HLCS: variants seen among roughly 807,000 people sequenced by gnomAD.
HLCS encodes holocarboxylase synthetase.
A neutral mutation model predicts 75.0 loss-of-function variants in HLCS; 53 were observed. That is an observed-to-expected ratio of 0.71 (90% CI 0.57 to 0.89). The LOEUF (loss-of-function observed/expected upper bound fraction) is 0.89. Among genes scored for constraint, HLCS ranks in the 40% least tolerant of loss-of-function variants. The pLI is 0.00. For missense variants in HLCS, 966 were observed against 1,074.0 expected (o/e 0.90, Z 1.41); for synonymous variants, 431 against 428.6 (o/e 1.01, Z -0.07).
chr21:36,756,263 C>A (rs529526420), intron 10 of HLCS, among the ~76,000 whole-genome samples: 24 of 151,744 alleles, frequency 1.6e-4, no homozygotes, highest in African/African-American at 5.3e-4. Flanking sequence ...ACGGTGAAAC[C>A]CCACCTCCAC....
At chr21:36,983,088 A>T (rs893248716) in intron 1 of HLCS, among the ~76,000 whole-genome samples, 1 of 152,134 alleles carries the variant, frequency 6.6e-6, no homozygotes, top group Non-Finnish European at 1.5e-5. Flanking sequence ...TGGTGTGGAG[A>T]GTGTCTGCAG....
chr21:36,861,517 A>AT (rs1463178488), intron 6 of HLCS, among the ~76,000 whole-genome samples: 1 of 151,814 alleles, frequency 6.6e-6, no homozygotes, highest in Non-Finnish European at 1.5e-5. Flanking sequence ...TACCCAATAG[A>AT]TTTTTTCCTG....
rs575454047 is a variant in HLCS at position 36,907,410 on chromosome 21, C to T, written c.1621-10279G>A. 9.9e-5 allele frequency among the ~76,000 whole-genome samples: 15 copies of T among 152,278 alleles called. No individual in the cohort carries two copies. In the East Asian group the frequency reaches 2.5e-3, roughly 25 times the overall value. ...GTAGCCCACACCTGTAATCCCAGAA[C>T]TTTGGGAGGCTGAGGTGGGTGGATC... On this transcript the variant is annotated intron_variant, in intron 5 of 10. Coordinates refer to ENST00000674895, the MANE Select transcript of HLCS (RefSeq NM_001352514.2).
intron 1 of HLCS, among the ~76,000 whole-genome samples, chr21:36,985,681 G>A (rs1005468849): frequency 9.2e-5 from 14 of 152,060 alleles, no homozygotes; most frequent in Middle Eastern, 3.4e-3. Flanking sequence ...CAGGAGAATC[G>A]CTTGGACCTG....
chr21:36,849,834 C>T (rs2062927391), intron 6 of HLCS, among the ~76,000 whole-genome samples: 1 of 152,212 alleles, frequency 6.6e-6, no homozygotes, highest in Admixed American at 6.5e-5. Context: ...TGAACCTTGA[C>T]TGGACAAACT....
At chr21:36,937,810 C>T (rs980612144) in intron 3 of HLCS, among the ~76,000 whole-genome samples, 1 of 152,216 alleles carries the variant, frequency 6.6e-6, no homozygotes. Flanking sequence ...AGTGAAATGT[C>T]ACTCTCAAGA....
intron 6 of HLCS, among the ~76,000 whole-genome samples, chr21:36,868,221 G>GGGA: frequency 2.8e-5 from 4 of 141,102 alleles, no homozygotes; most frequent in South Asian, 4.6e-4. Context: ...AGGGAAAAAA[G>GGGA]AGAGAGAAAG....
intron 2 of HLCS, among the ~76,000 whole-genome samples, chr21:36,945,753 T>C (rs909332532): frequency 6.6e-6 from 1 of 152,254 alleles, no homozygotes; most frequent in Non-Finnish European, 1.5e-5. Flanking sequence ...TTGCACAACT[T>C]TGTGAATATA....
At chr21:36,838,937 G>A (rs776561585) in intron 6 of HLCS, among the ~76,000 whole-genome samples, 1 of 152,192 alleles carries the variant, frequency 6.6e-6, no homozygotes, top group African/African-American at 2.4e-5. Context: ...AGAACCGACA[G>A]AGAATTATTT....
chr21:36,764,672 T>A (rs2089971243), intron 8 of HLCS, among the ~76,000 whole-genome samples: 1 of 152,168 alleles, frequency 6.6e-6, no homozygotes, highest in Admixed American at 6.5e-5. Flanking sequence ...GCCACTGCAC[T>A]CCAGCGTGGG....
chr21:36,773,621 C>T (rs1479798772), intron 6 of HLCS, among the ~76,000 whole-genome samples: 1 of 152,198 alleles, frequency 6.6e-6, no homozygotes, highest in Non-Finnish European at 1.5e-5. Context: ...TTCTTTACCC[C>T]CCAGTTTTCT....
At chr21:36,967,684 T>C (rs554280560), upstream of HLCS, among the ~76,000 whole-genome samples, 27 of 152,306 alleles carry the variant, frequency 1.8e-4, no homozygotes, top group South Asian at 5.6e-3. Context: ...GCAAAAGCAA[T>C]CATGTACACC....
intron 9 of HLCS, among the ~76,000 whole-genome samples, chr21:36,758,179 G>A (rs1042981199): frequency 3.3e-5 from 5 of 152,036 alleles, no homozygotes; most frequent in African/African-American, 9.6e-5. Context: ...CCCTCATAGC[G>A]CACTGCAGCC....
intron 6 of HLCS, among the ~76,000 whole-genome samples, chr21:36,830,558 G>A (rs1049814459): frequency 6.6e-6 from 1 of 152,122 alleles, no homozygotes; most frequent in Admixed American, 6.5e-5. Flanking sequence ...CAGGGGCCAG[G>A]TGCGGTGGTT....
At chr21:36,758,932 C>T (rs1387388252) in intron 9 of HLCS, among the ~76,000 whole-genome samples, 2 of 151,196 alleles carry the variant, frequency 1.3e-5, no homozygotes, top group Admixed American at 6.6e-5. Flanking sequence ...TGCAGTGAGC[C>T]GAGATTGCAC....
rs539672159 is a variant in HLCS at position 36,889,126 on chromosome 21, CTGCTTATCCCA to C, written c.1892+7723_1892+7733del. ...CTGGCATACAGGAGTTGCTCCAGAA[CTGCTTATCCCA>C]TGAGGCAAAGAAGTCAAATCTAAGC... On this transcript the variant is annotated intron_variant, in intron 6 of 10. Coordinates refer to ENST00000674895, the MANE Select transcript of HLCS (RefSeq NM_001352514.2). 2.1e-3 allele frequency among the ~76,000 whole-genome samples: 318 copies of C among 152,334 alleles called. 1 individual carries two copies. Among genetic ancestry groups the C allele is most frequent in the Middle Eastern group, 0.01 (3 of 294 alleles).
chr21:36,802,906 CT>C (rs1263396687), intron 6 of HLCS, among the ~76,000 whole-genome samples: 1 of 152,092 alleles, frequency 6.6e-6, no homozygotes, highest in African/African-American at 2.4e-5. Context: ...AGTTAATATC[CT>C]GATAATCTCA....
At chr21:36,904,308 ATTG>A (rs767626450) in intron 5 of HLCS, among the ~76,000 whole-genome samples, 2 of 151,968 alleles carry the variant, frequency 1.3e-5, no homozygotes, top group African/African-American at 4.8e-5. Flanking sequence ...TTACATCATC[ATTG>A]TTATGTCTAC....
intron 6 of HLCS, among the ~76,000 whole-genome samples, chr21:36,867,949 C>T (rs763733610): frequency 3.9e-5 from 6 of 151,928 alleles, no homozygotes; most frequent in Non-Finnish European, 7.4e-5. Context: ...GTCAGGAGTT[C>T]GAGATCAGCC....
Sources: gnomAD v4.1 joint callset for allele counts (sites outside exome capture counted in the v4.1 genomes callset) on GRCh38, gnomAD v4.1.1 for gene constraint, MANE v1.5 for transcripts, NCBI Gene and HGNC (gene_info 2026-07-23, HGNC 2026-07-21) for gene names.